CAST: variants seen among roughly 807,000 people sequenced by gnomAD.
The protein encoded by CAST is calpastatin.
A neutral mutation model predicts 119.6 loss-of-function variants in CAST; 76 were observed. The ratio of observed to expected loss-of-function variants is 0.64; its 90% confidence interval spans 0.53 to 0.77. The LOEUF (loss-of-function observed/expected upper bound fraction) is 0.77. Among genes scored for constraint, CAST ranks in the 30% least tolerant of loss-of-function variants. CAST has a pLI of 0.00. For synonymous variants in CAST, 319 were observed against 331.6 expected, an observed-to-expected ratio of 0.96 and a Z score of 0.41; for missense variants, 953 against 946.5, an observed-to-expected ratio of 1.01 and a Z score of -0.09.
chr5:96,491,724 C>A, the CAST span, among the ~76,000 whole-genome samples: 1 of 151,976 alleles, frequency 6.6e-6, no homozygotes. Context: ...ATAGTAGCAG[C>A]ATTTGTAATA....
At chr5:96,593,384 G>A (rs142414299) in intron 1 of CAST, among the ~76,000 whole-genome samples, 67 of 152,286 alleles carry the variant, frequency 4.4e-4, no homozygotes, top group African/African-American at 1.5e-3. Context: ...TTGCCATCAG[G>A]ACCCGTTTCA....
chr5:96,123,264 C>G, the CAST span, among the ~76,000 whole-genome samples: 42 of 152,052 alleles, frequency 2.8e-4, 1 homozygote, highest in Non-Finnish European at 1.0e-4. Flanking sequence ...CATGTTCTTA[C>G]CACATCTCTG....
chr5:96,476,906 C>A, the CAST span, among the ~76,000 whole-genome samples: 1 of 146,140 alleles, frequency 6.8e-6, no homozygotes, highest in South Asian at 2.2e-4. Flanking sequence ...ATACTTTCAA[C>A]ACCAGTCATG....
the CAST span, among the ~76,000 whole-genome samples, chr5:96,289,372 T>C: frequency 1.3e-5 from 2 of 152,136 alleles, no homozygotes; most frequent in Non-Finnish European, 2.9e-5. Flanking sequence ...CATCTTGAAT[T>C]GTAGTTCCCA....
chr5:96,028,840 T>TA, the CAST span, among the ~76,000 whole-genome samples: 7 of 151,686 alleles, frequency 4.6e-5, no homozygotes, highest in Middle Eastern at 3.4e-3. Flanking sequence ...AGGGAAGAAT[T>TA]AAAAAAAAAC....
the CAST span, chr5:96,400,316 A>C: frequency 5.6e-6 from 4 of 716,024 alleles, no homozygotes; most frequent in Non-Finnish European, 1.0e-5. Flanking sequence ...ATGTTATTCT[A>C]GTGTCTATTA....
chr5:96,754,225 AAGTT>A, intron 21 of CAST, 64 bp downstream of exon 21: 1 of 989,516 alleles, frequency 1.0e-6, no homozygotes, highest in Non-Finnish European at 1.6e-6. Flanking sequence ...CCCTGCAAAT[AAGTT>A]AGTCATTTGT....
At chr5:96,754,214 C>G (rs1445592338) in intron 21 of CAST, 53 bp downstream of exon 21, 2 of 1,052,276 alleles carry the variant, frequency 1.9e-6, no homozygotes, top group Non-Finnish European at 3.0e-6. Context: ...TCACCTTCTC[C>G]CCCTGCAAAT....
the CAST span, among the ~76,000 whole-genome samples, chr5:95,974,966 C>T: frequency 6.6e-6 from 1 of 152,086 alleles, no homozygotes; most frequent in Non-Finnish European, 1.5e-5. Flanking sequence ...ATTGTCCTTA[C>T]TTTAGAGATG....
intron 29 of CAST, chr5:96,769,664 T>C (rs1056679553): frequency 2.0e-5 from 3 of 152,020 alleles, no homozygotes; most frequent in Non-Finnish European, 4.4e-5. Flanking sequence ...CCTCATGTTA[T>C]ACATTAACTC....
At chr5:96,424,921 C>G in the CAST span, among the ~76,000 whole-genome samples, 2 of 149,556 alleles carry the variant, frequency 1.3e-5, no homozygotes, top group East Asian at 4.0e-4. Context: ...TGAGATCATG[C>G]CATTGCACTC....
At chr5:96,038,579 T>A in the CAST span, among the ~76,000 whole-genome samples, 1 of 146,150 alleles carries the variant, frequency 6.8e-6, no homozygotes, top group Non-Finnish European at 1.5e-5. Context: ...TGTCCATGTG[T>A]TCTCATTGTT....
At chr5:96,607,523 T>C (rs980557846) in intron 1 of CAST, among the ~76,000 whole-genome samples, 5 of 151,188 alleles carry the variant, frequency 3.3e-5, no homozygotes, top group Non-Finnish European at 7.4e-5. Context: ...CTTCACTTGA[T>C]AAAGCTCCAA....
At chr5:96,558,816 C>T (rs905688409) in intron 1 of CAST, among the ~76,000 whole-genome samples, 5 of 152,150 alleles carry the variant, frequency 3.3e-5, no homozygotes, top group Admixed American at 6.5e-5. Context: ...GAAACTATTC[C>T]AATCAATAGA....
the CAST span, among the ~76,000 whole-genome samples, chr5:96,245,806 G>T: frequency 6.6e-6 from 1 of 152,142 alleles, no homozygotes; most frequent in Non-Finnish European, 1.5e-5. Flanking sequence ...TGCAGCTGGG[G>T]GGACTTACGG....
At chr5:96,686,781 G>GA (rs1391462242) in intron 2 of CAST, among the ~76,000 whole-genome samples, 4 of 152,020 alleles carry the variant, frequency 2.6e-5, no homozygotes, top group African/African-American at 4.8e-5. Flanking sequence ...GTTCTGTAAG[G>GA]AAAAAAATAT....
At chr5:96,091,343 C>T in the CAST span, among the ~76,000 whole-genome samples, 1 of 151,622 alleles carries the variant, frequency 6.6e-6, no homozygotes, top group Non-Finnish European at 1.5e-5. Context: ...GCTGGGATTA[C>T]AGTCACGCGC....
chr5:96,674,072 T>C (rs1580916115), intron 1 of CAST, among the ~76,000 whole-genome samples: 2 of 152,230 alleles, frequency 1.3e-5, no homozygotes, highest in African/African-American at 4.8e-5. Context: ...TGGCCATTTT[T>C]AGTAGCATAT....
the CAST span, among the ~76,000 whole-genome samples, chr5:96,111,208 T>C: frequency 6.6e-6 from 1 of 152,174 alleles, no homozygotes; most frequent in Non-Finnish European, 1.5e-5. Flanking sequence ...TAAAGGATAT[T>C]CTAAAGGATA....
Sources: allele counts gnomAD v4.1 joint callset (sites outside exome capture counted in the v4.1 genomes callset), GRCh38; gene constraint gnomAD v4.1.1; transcripts MANE v1.5; gene names NCBI Gene and HGNC (gene_info 2026-07-23, HGNC 2026-07-21).